Variants in INSC observed in about 807,000 individuals in gnomAD.
INSC encodes protein inscuteable homolog.
Under a neutral mutation model 58.6 loss-of-function variants are expected in INSC, and 67 were observed. The ratio of observed to expected loss-of-function variants is 1.14; its 90% confidence interval spans 0.94 to 1.40. The LOEUF (loss-of-function observed/expected upper bound fraction) is 1.40. Ranked by LOEUF, INSC falls within the 40% of genes most tolerant of loss-of-function variation. The pLI, the probability that INSC is intolerant of heterozygous loss-of-function variation, is 0.00. For missense variants in INSC, 714 were observed against 692.0 expected (o/e 1.03, Z -0.36); for synonymous variants, 262 against 276.1 (o/e 0.95, Z 0.51).
At chr11:15,218,471 C>G (rs1851306681) in intron 7 of INSC, among the ~76,000 whole-genome samples, 1 of 151,996 alleles carries the variant, frequency 6.6e-6, no homozygotes, top group South Asian at 2.1e-4. Context: ...GATTTTATTT[C>G]TAGAACTAGA....
At chr11:15,199,970 GATT>G (rs1270532138) in intron 6 of INSC, among the ~76,000 whole-genome samples, 3 of 152,082 alleles carry the variant, frequency 2.0e-5, no homozygotes, top group Admixed American at 2.0e-4. Flanking sequence ...TGGCTCCAGC[GATT>G]ATTATGAGTA....
intron 8 of INSC, among the ~76,000 whole-genome samples, chr11:15,223,736 G>C (rs1851531363): frequency 6.6e-6 from 1 of 152,170 alleles, no homozygotes; most frequent in Non-Finnish European, 1.5e-5. Context: ...GAAGGGGCTG[G>C]GGACTCCAGT....
chr11:15,140,986 A>G (rs566432383), intron 1 of INSC, among the ~76,000 whole-genome samples: 76 of 152,258 alleles, frequency 5.0e-4, no homozygotes, highest in African/African-American at 1.8e-3. Flanking sequence ...GAACTACCTC[A>G]TGGGGTTATT....
At chr11:15,262,655 AACACACAC>A in the INSC span, among the ~76,000 whole-genome samples, 1,056 of 146,774 alleles carry the variant, frequency 7.2e-3, 14 homozygotes, top group African/African-American at 0.024. Context: ...CTGGGTGATA[AACACACAC>A]ACACACACAC....
rs60995038 is a variant in INSC, at chr11:15,229,919, A to C, written c.1170+4091A>C. On this transcript the variant is annotated intron_variant, in intron 9 of 12. Coordinates refer to ENST00000379556, the MANE Select transcript of INSC (RefSeq NM_001042536.3). ...TAAAAAACATTTTTATATATATATAAATTTTTTATATATTATATATATATA... is the reference window on the plus strand; with the variant it reads ...TAAAAAACATTTTTATATATATATACATTTTTTATATATTATATATATATA... 4.0e-5 allele frequency among the ~76,000 whole-genome samples: 4 copies of C among 99,516 alleles called. No homozygotes were observed. In the Admixed American group the frequency reaches 5.4e-4, roughly 13 times the overall value. 65.3% of individuals were successfully genotyped at this position (99,516 alleles called of 152,430 possible). A position where few individuals can be genotyped will look rare whatever the true frequency, so the allele number is the denominator to read the frequency against.
At chr11:15,130,148 C>T (rs1339768440) in intron 1 of INSC, among the ~76,000 whole-genome samples, 1 of 152,218 alleles carries the variant, frequency 6.6e-6, no homozygotes, top group Non-Finnish European at 1.5e-5. Flanking sequence ...GAGAACTGGG[C>T]ATCTTTATTT....
chr11:15,235,304 GA>G (rs1160097549), intron 9 of INSC: 3 of 420,594 alleles, frequency 7.1e-6, no homozygotes, highest in Admixed American at 3.5e-5. Context: ...AGAGCAGAAA[GA>G]CAACCGGGCC....
At chr11:15,158,158 C>G (rs907093548) in intron 2 of INSC, among the ~76,000 whole-genome samples, 10 of 152,066 alleles carry the variant, frequency 6.6e-5, no homozygotes, top group African/African-American at 2.4e-4. Flanking sequence ...ACTCTCCTGC[C>G]TAGGATTTAA....
At chr11:15,237,748 C>G (rs540649380) in intron 10 of INSC, among the ~76,000 whole-genome samples, 2 of 152,056 alleles carry the variant, frequency 1.3e-5, no homozygotes. Context: ...ATGGACGAGG[C>G]GAGCTCACCA....
intron 7 of INSC, among the ~76,000 whole-genome samples, chr11:15,212,257 G>A (rs1429705639): frequency 2.0e-5 from 3 of 151,946 alleles, no homozygotes; most frequent in South Asian, 2.1e-4. Context: ...GTGTGCCACC[G>A]CGCCCAGCTA....
chr11:15,231,256 G>C (rs1851913026), intron 9 of INSC, among the ~76,000 whole-genome samples: 1 of 152,190 alleles, frequency 6.6e-6, no homozygotes, highest in Admixed American at 6.5e-5. Context: ...AAGTGGTGTG[G>C]AGGGAAGAGG....
chr11:15,229,964 A>ATATATATATATAT (rs1851805840), intron 9 of INSC, among the ~76,000 whole-genome samples: 1 of 15,698 alleles, frequency 6.4e-5, no homozygotes, highest in Non-Finnish European at 1.1e-4. Flanking sequence ...ATATATTTAT[A>ATATATATATATAT]TATATATATA....
At chr11:15,138,682 T>C (rs894048305) in intron 1 of INSC, among the ~76,000 whole-genome samples, 6 of 152,260 alleles carry the variant, frequency 3.9e-5, no homozygotes, top group Non-Finnish European at 1.5e-5. Context: ...TAAAACTTCT[T>C]ATGGAGTACC....
At chr11:15,240,317 C>A in intron 11 of INSC, 130 bp from the exon 12 acceptor site, 1 of 740,746 alleles carries the variant, frequency 1.3e-6, no homozygotes. Context: ...AAGTTTCCAC[C>A]ACAGACTCCC....
intron 12 of INSC, among the ~76,000 whole-genome samples, chr11:15,242,088 A>G (rs2133982529): frequency 1.3e-5 from 2 of 152,366 alleles, no homozygotes; most frequent in Middle Eastern, 3.4e-3. Flanking sequence ...TCAAGTTCAC[A>G]GATCCTCTTA....
intron 10 of INSC, among the ~76,000 whole-genome samples, chr11:15,236,564 C>T (rs996548717): frequency 1.3e-5 from 2 of 152,184 alleles, no homozygotes; most frequent in Non-Finnish European, 2.9e-5. Flanking sequence ...AACATGTCAC[C>T]AAGGTCCAGG....
intron 12 of INSC, among the ~76,000 whole-genome samples, chr11:15,240,805 G>T (rs1290707803): frequency 6.6e-6 from 1 of 152,182 alleles, no homozygotes; most frequent in Non-Finnish European, 1.5e-5. Context: ...AACCTTTGAG[G>T]TTCCTGTGGA....
intron 6 of INSC, among the ~76,000 whole-genome samples, chr11:15,194,170 G>A (rs1850285327): frequency 6.6e-6 from 1 of 152,200 alleles, no homozygotes; most frequent in Admixed American, 6.5e-5. Context: ...GCAACTAATA[G>A]CCCTAGGACC....
intron 12 of INSC, among the ~76,000 whole-genome samples, chr11:15,240,915 C>T (rs184174150): frequency 1.3e-5 from 2 of 152,258 alleles, no homozygotes; most frequent in East Asian, 3.9e-4. Flanking sequence ...TGAGAAAAAC[C>T]TCCACTTGTC....
Sources: gnomAD v4.1 joint callset for allele counts (sites outside exome capture counted in the v4.1 genomes callset) on GRCh38, gnomAD v4.1.1 for gene constraint, MANE v1.5 for transcripts, NCBI Gene and HGNC (gene_info 2026-07-23, HGNC 2026-07-21) for gene names.